Variants in ISL2 observed in about 807,000 individuals in gnomAD.
The protein encoded by ISL2 is insulin gene enhancer protein ISL-2.
Under a neutral mutation model 34.6 loss-of-function variants are expected in ISL2, and 17 were observed. The observed-to-expected ratio is 0.49, with a 90% CI of 0.34 to 0.74. The LOEUF is 0.74. ISL2 is among the 30% of genes least tolerant of loss of function. The pLI is 0.01. For missense variants in ISL2, 469 were observed against 515.2 expected, an observed-to-expected ratio of 0.91 and a Z score of 0.87; for synonymous variants, 232 against 225.5, an observed-to-expected ratio of 1.03 and a Z score of -0.26.
In ISL2 at chr15:76,342,164, G is replaced by A. The variant is rs2040199671; in HGVS notation, c.*329G>A. ...CCCCACCTGTGTCCCCATCTCGGCC[G>A]GCCCGGAGCTCGCCCACGCGGACCC... On this transcript the variant is annotated 3_prime_UTR_variant, in exon 6 of 6. Transcript: ENST00000290759. 2 of 199,338 alleles carry A rather than the reference G, an allele frequency of 1.0e-5. No homozygotes were observed. The highest frequency in any genetic ancestry group is 3.0e-4 in the South Asian group (2 of 6,608). 12.3% of individuals were successfully genotyped at this position (199,338 alleles called of 1,614,324 possible). A position where few individuals can be genotyped will look rare whatever the true frequency, so the allele number is the denominator to read the frequency against.
In ISL2 at chr15:76,337,787, G is replaced by A. The variant is rs1270508326; in HGVS notation, c.68G>A (p.Gly23Glu). ...AMGDHSKKKP[G>E]TAMCVGCGSQ... ...CGCCCTTCCCCGGCAGAGAAGCCCGGGACGGCCATGTGCGTGGGCTGCGGG... is the reference window on the plus strand; with the variant it reads ...CGCCCTTCCCCGGCAGAGAAGCCCGAGACGGCCATGTGCGTGGGCTGCGGG... Residue 23 changes from glycine (G) to glutamate (E), a missense_variant, in exon 2 of 6, where the codon GGG becomes GAG. By Grantham distance (98) the Gly-to-Glu change is moderately conservative. Around this residue, in one of 3 missense-constraint regions of ISL2, gnomAD observed 297 missense variants for 337.8 expected, o/e 0.88. Transcript: ENST00000290759. 6 of 1,593,142 alleles carry A rather than the reference G, an allele frequency of 3.8e-6. No individual in the cohort carries two copies. In the Admixed American group the frequency reaches 5.1e-5, roughly 14 times the overall value.
At chr15:76,337,536 A>G in intron 1 of ISL2, 1 of 466,538 alleles carries the variant, frequency 2.1e-6, no homozygotes. Flanking sequence ...GACTGTCATT[A>G]ATGAATGTAA....
In ISL2 at chr15:76,341,771, C is replaced by T. The variant is rs746851077; in HGVS notation, c.1016C>T (p.Thr339Ile). 6.2e-7 allele frequency: 1 copy of T among 1,613,890 alleles called. No homozygotes were observed. The highest frequency in any genetic ancestry group is 1.3e-5 in the African/African-American group (1 of 74,944). The part of the protein sequence containing the change: ...SLGNSSGSDV[T>I]SLSSQLPDTP... Reference sequence around the variant, plus strand: ...GGCAACTCCTCCGGCAGCGACGTGACCTCCCTGTCCTCGCAGCTCCCGGAC... The same window carrying T: ...GGCAACTCCTCCGGCAGCGACGTGATCTCCCTGTCCTCGCAGCTCCCGGAC... Residue 339 changes from threonine to isoleucine, a missense_variant, in exon 6 of 6, where the codon ACC becomes ATC. Physicochemically the swap from Thr to Ile is moderately conservative, Grantham distance 89 (BLOSUM62 -1). This residue lies in a region of ISL2 where 169 missense variants were observed against 154.2 expected (regional missense o/e 1.10). Coordinates refer to ENST00000290759, the MANE Select transcript of ISL2 (RefSeq NM_145805.3).
intron 1 of ISL2, 30 bp downstream of exon 1, chr15:76,336,971 G>A (rs368052178): frequency 1.1e-5 from 17 of 1,584,726 alleles, no homozygotes; most frequent in Admixed American, 1.7e-5. Flanking sequence ...TGTGGGGTGG[G>A]GTGTGTGTGT....
At chr15:76,340,857 G>GCA (rs2040188135) in intron 4 of ISL2, among the ~76,000 whole-genome samples, 2 of 152,264 alleles carry the variant, frequency 1.3e-5, no homozygotes, top group Admixed American at 6.5e-5. Context: ...GGTGGGTTGT[G>GCA]CACTCCGTCG....
rs11634019 is a variant in ISL2 at position 76,342,339 on chromosome 15, T to C, written c.*504T>C. 41,452 of 153,902 alleles carry C rather than the reference T, an allele frequency of 0.27. 6,437 individuals carry two copies. Among genetic ancestry groups the C allele is most frequent in the East Asian group, 0.6 (3,115 of 5,190 alleles). The allele number at this position is 153,902 out of a possible 1,614,324, so 9.5% of individuals were successfully genotyped here. The stretch of plus-strand genomic sequence containing the variant: ...AGAAACCAGACTTGCCTTGAAAGTG[T>C]TTAAGTTATTCGACGGAGGACAGAG... On this transcript the variant is annotated 3_prime_UTR_variant, in exon 6 of 6. Coordinates refer to ENST00000290759, the MANE Select transcript of ISL2 (RefSeq NM_145805.3).
rs575998550 is a variant in ISL2 at position 76,338,506 on chromosome 15, A to C, written c.503A>C (p.His168Pro). 100 of 1,309,386 alleles carry C rather than the reference A, an allele frequency of 7.6e-5. No homozygotes were observed. In the South Asian group the frequency reaches 2.4e-3, roughly 32 times the overall value. 81.1% of individuals were successfully genotyped at this position (1,309,386 alleles called of 1,614,324 possible). ...CCGCTTCCCGGCGCCCGCGGCCTGCATCTGCCCGGTAAGCGCGCCGGGGCC... is the reference window on the plus strand; with the variant it reads ...CCGCTTCCCGGCGCCCGCGGCCTGCCTCTGCCCGGTAAGCGCGCCGGGGCC... Reference protein sequence around the residue: ...PGPLPGARGLHLPDAGSGRQP... With the variant: ...PGPLPGARGLPLPDAGSGRQP... Residue 168 changes from histidine (H) to proline (P), a missense_variant, in exon 3 of 6, where the codon CAT (histidine) becomes CCT (proline). This residue lies in a region of ISL2 where 297 missense variants were observed against 337.8 expected (regional missense o/e 0.88). Coordinates refer to ENST00000290759, the MANE Select transcript of ISL2 (RefSeq NM_145805.3).
intron 1 of ISL2, chr15:76,337,551 G>A (rs2040159975): frequency 2.1e-6 from 1 of 466,710 alleles, no homozygotes; most frequent in Non-Finnish European, 3.8e-6. Flanking sequence ...ATGTAATAAC[G>A]AAATATTTGG....
chr15:76,340,141 G>C, intron 3 of ISL2, 135 bp from the exon 4 acceptor site: 1 of 1,425,772 alleles, frequency 7.0e-7, no homozygotes. Flanking sequence ...AGAGGAAGAC[G>C]AACAATTAAA....
In ISL2 at chr15:76,340,212, G is replaced by A. The variant is rs558838050; in HGVS notation, c.512-64G>A. 79 of 1,407,904 alleles carry A rather than the reference G, an allele frequency of 5.6e-5. 1 individual carries two copies. The South Asian group carries it at 9.0e-4, about 16-fold the overall frequency. 87.2% of individuals were successfully genotyped at this position (1,407,904 alleles called of 1,614,324 possible). A position where few individuals can be genotyped will look rare whatever the true frequency, so the allele number is the denominator to read the frequency against. On this transcript the variant is annotated intron_variant, in intron 3 of 5. Transcript: ENST00000290759. ...CCCCGGGGGGCTGGGCCACCCGGAG[G>A]TTGGGCTCGGGGCGGGTGGGTGGCG...
intron 1 of ISL2, chr15:76,337,464 T>A: frequency 2.6e-6 from 1 of 379,790 alleles, no homozygotes. Flanking sequence ...CCGCAGTGCC[T>A]GTGTATTTAC....
chr15:76,341,629 G>C (rs1355710651), intron 5 of ISL2, 90 bp from the exon 6 acceptor site: 1 of 1,023,140 alleles, frequency 9.8e-7, no homozygotes, highest in South Asian at 1.3e-5. Flanking sequence ...CGGTCCCCAA[G>C]GGACACTTTC....
Position 76,338,499 on chromosome 15 carries a change from G to C in ISL2, c.496G>C (p.Gly166Arg), listed in dbSNP as rs762299691. 7.6e-7 allele frequency: 1 copy of C among 1,316,522 alleles called. No homozygotes were observed. The highest frequency in any genetic ancestry group is 9.6e-7 in the Non-Finnish European group (1 of 1,039,918). 81.6% of individuals were successfully genotyped at this position (1,316,522 alleles called of 1,614,324 possible). The change falls in exon 3 of 6, where the codon GGC becomes CGC. Residue 166 changes from glycine to arginine, a missense_variant. This residue lies in a region of ISL2 where 297 missense variants were observed against 337.8 expected (regional missense o/e 0.88). Transcript: ENST00000290759. Reference sequence around the variant, plus strand: ...CCCCGGCCCGCTTCCCGGCGCCCGCGGCCTGCATCTGCCCGGTAAGCGCGC... The same window carrying C: ...CCCCGGCCCGCTTCCCGGCGCCCGCCGCCTGCATCTGCCCGGTAAGCGCGC... The part of the protein sequence containing the change: ...RSPGPLPGAR[G>R]LHLPDAGSGR...
intron 3 of ISL2, chr15:76,338,737 G>T: frequency 1.0e-6 from 1 of 985,470 alleles, no homozygotes; most frequent in Non-Finnish European, 1.2e-6. Context: ...TGAGCACGGA[G>T]AATTGTGCAG....
In ISL2 at chr15:76,341,595, C is replaced by T; in HGVS notation, c.964-124C>T. The T allele has an allele frequency of 7.6e-6, 6 of 791,900 alleles. No individual in the cohort carries two copies. In the South Asian group the frequency reaches 9.2e-5, roughly 12 times the overall value. 49.1% of individuals were successfully genotyped at this position (791,900 alleles called of 1,614,324 possible). A position where few individuals can be genotyped will look rare whatever the true frequency, so the allele number is the denominator to read the frequency against. On this transcript the variant is annotated intron_variant, in intron 5 of 5. Coordinates refer to ENST00000290759, the MANE Select transcript of ISL2 (RefSeq NM_145805.3). The stretch of plus-strand genomic sequence containing the variant: ...CCTGGGGACCTGGCCTCCTTCTCCG[C>T]AGGGCTTGCTCTCAGCTGGCGGCCG...
intron 3 of ISL2, 152 bp from the exon 4 acceptor site, chr15:76,340,124 C>T: frequency 4.9e-6 from 7 of 1,423,464 alleles, no homozygotes; most frequent in Non-Finnish European, 6.4e-6. Context: ...GTAAGGCGAA[C>T]AGATGGAGAG....
chr15:76,341,639 C>A, intron 5 of ISL2, 80 bp from the exon 6 acceptor site: 1 of 1,114,522 alleles, frequency 9.0e-7, no homozygotes, highest in Non-Finnish European at 1.4e-6. Flanking sequence ...GGGACACTTT[C>A]CGACTCGGAG....
intron 3 of ISL2, chr15:76,339,769 T>A (rs1321949722): frequency 1.0e-6 from 1 of 992,758 alleles, no homozygotes; most frequent in Non-Finnish European, 1.2e-6. Flanking sequence ...CCTGTCCAAA[T>A]GGGCTCTGAA....
rs753372666 is a variant in ISL2 at position 76,341,817 on chromosome 15, G to A, written c.1062G>A (p.Pro354=). The change falls in exon 6 of 6, where the codon CCG becomes CCA. Residue 354 remains proline, a synonymous_variant. Coordinates refer to ENST00000290759, the MANE Select transcript of ISL2 (RefSeq NM_145805.3). The part of the protein sequence containing the change: ...QLPDTPNSMV[P]SPVET ...CGGACACCCCCAACAGTATGGTGCC[G>A]AGTCCCGTGGAGACGTGAGGGGGAC... is the stretch of plus-strand genomic sequence containing the variant. 1.9e-6 allele frequency: 3 copies of A among 1,613,012 alleles called. No homozygotes were observed. The highest frequency in any genetic ancestry group is 2.5e-6 in the Non-Finnish European group (3 of 1,179,478).
Sources: allele counts gnomAD v4.1 joint callset (sites outside exome capture counted in the v4.1 genomes callset), GRCh38; gene constraint gnomAD v4.1.1; regional missense constraint gnomAD v4.1.1; transcripts MANE v1.5; gene names NCBI Gene and HGNC (gene_info 2026-07-23, HGNC 2026-07-21).